Variants in ESR1 observed in about 807,000 individuals in gnomAD.
ESR1 encodes the protein estrogen receptor 1.
Under a neutral mutation model 52.7 loss-of-function variants are expected in ESR1, and 12 were observed. The ratio of observed to expected loss-of-function variants is 0.23; its 90% confidence interval spans 0.15 to 0.37. ESR1 has a LOEUF of 0.37. ESR1 is among the 10% of genes least tolerant of loss of function. The pLI, the probability that ESR1 is intolerant of heterozygous loss-of-function variation, is 1.00. For missense variants in ESR1, 584 were observed against 779.7 expected (o/e 0.75, Z 2.99); for synonymous variants, 305 against 316.8 (o/e 0.96, Z 0.39).
chr6:151,771,275 A>G (rs1246838667), intron 2 of ESR1, among the ~76,000 whole-genome samples: 2 of 152,198 alleles, frequency 1.3e-5, no homozygotes, highest in Non-Finnish European at 2.9e-5. Flanking sequence ...CCTGATGGGA[A>G]TTCATGTAAT....
At chr6:151,836,094 C>T (rs1194023837) in intron 1 of ESR1, among the ~76,000 whole-genome samples, 1 of 151,964 alleles carries the variant, frequency 6.6e-6, no homozygotes, top group Non-Finnish European at 1.5e-5. Context: ...TATTGTTGAT[C>T]TCTCAGACAC....
At chr6:151,909,313 A>G (rs1337399874) in intron 3 of ESR1, among the ~76,000 whole-genome samples, 2 of 152,208 alleles carry the variant, frequency 1.3e-5, no homozygotes, top group Non-Finnish European at 2.9e-5. Context: ...GAACTAGGCC[A>G]TGACTTGGGG....
intron 2 of ESR1, among the ~76,000 whole-genome samples, chr6:151,876,123 G>C (rs762518709): frequency 2.1e-4 from 32 of 152,152 alleles, no homozygotes; most frequent in South Asian, 6.2e-4. Context: ...TGATCTGTGT[G>C]CCTGTGGTGG....
chr6:151,685,391 C>T (rs1330599837), intron 1 of ESR1, among the ~76,000 whole-genome samples: 1 of 152,050 alleles, frequency 6.6e-6, no homozygotes, highest in Non-Finnish European at 1.5e-5. Flanking sequence ...CCTCGGCCTC[C>T]CAAAGTGCTG....
At chr6:151,737,329 A>G (rs1416521811) in intron 2 of ESR1, among the ~76,000 whole-genome samples, 1 of 152,180 alleles carries the variant, frequency 6.6e-6, no homozygotes, top group African/African-American at 2.4e-5. Context: ...AAGCCTCTTT[A>G]TTCATCTTGC....
chr6:152,001,905 G>T (rs762433678), intron 4 of ESR1, among the ~76,000 whole-genome samples: 4 of 152,006 alleles, frequency 2.6e-5, no homozygotes, highest in African/African-American at 4.8e-5. Flanking sequence ...CCATGTGCTT[G>T]TGAGACCCTT....
At chr6:151,684,789 C>T (rs1778590898) in intron 1 of ESR1, among the ~76,000 whole-genome samples, 1 of 152,236 alleles carries the variant, frequency 6.6e-6, no homozygotes, top group African/African-American at 2.4e-5. Context: ...CACTGCTGGG[C>T]TCACAGAAGC....
chr6:152,019,484 C>G (rs1030849784), intron 5 of ESR1, among the ~76,000 whole-genome samples: 1 of 152,166 alleles, frequency 6.6e-6, no homozygotes, highest in African/African-American at 2.4e-5. Context: ...GAGACTTAAG[C>G]CTGTAAGCAG....
At chr6:151,925,124 T>TTTTTTTTGTTTG (rs143259900) in intron 3 of ESR1, among the ~76,000 whole-genome samples, 78,589 of 150,576 alleles carry the variant, frequency 0.52, 22,724 homozygotes, top group Middle Eastern at 0.72. Context: ...CAGCATCTGG[T>TTTTTTTTGTTTG]TTTTTTTGTT....
At chr6:152,010,298 T>G (rs1209299288) in intron 4 of ESR1, among the ~76,000 whole-genome samples, 1 of 152,116 alleles carries the variant, frequency 6.6e-6, no homozygotes, top group Admixed American at 6.6e-5. Context: ...CATTCATACT[T>G]GATTGTTAAA....
chr6:151,716,343 G>A (rs1394432066), intron 2 of ESR1, among the ~76,000 whole-genome samples: 1 of 152,166 alleles, frequency 6.6e-6, no homozygotes, highest in African/African-American at 2.4e-5. Context: ...CTGTCCCTTA[G>A]CAGAGCTCAA....
At chr6:151,977,772 GCAACAGAGTGAGA>G (rs2039581083) in intron 4 of ESR1, among the ~76,000 whole-genome samples, 1 of 151,956 alleles carries the variant, frequency 6.6e-6, no homozygotes, top group African/African-American at 2.4e-5. Context: ...TCTAGCCTGG[GCAACAGAGTGAGA>G]CACCATCTCA....
chr6:151,928,441 A>G (rs1584280143), intron 3 of ESR1, among the ~76,000 whole-genome samples: 1 of 152,296 alleles, frequency 6.6e-6, no homozygotes, highest in East Asian at 1.9e-4. Flanking sequence ...ATTGTTCCAT[A>G]TATTGCTAGC....
chr6:151,910,349 A>G (rs1798084331), intron 3 of ESR1, among the ~76,000 whole-genome samples: 1 of 152,198 alleles, frequency 6.6e-6, no homozygotes, highest in Admixed American at 6.5e-5. Context: ...CAAATCCTAT[A>G]TTGGAACAAT....
At chr6:152,063,665 T>A (rs3798571) in intron 6 of ESR1, among the ~76,000 whole-genome samples, 23 of 152,202 alleles carry the variant, frequency 1.5e-4, no homozygotes, top group Admixed American at 1.2e-3. Context: ...AAAGTCCAAC[T>A]GATTCATGGC....
intron 2 of ESR1, among the ~76,000 whole-genome samples, chr6:151,713,897 G>A (rs1271302157): frequency 6.6e-6 from 1 of 151,886 alleles, no homozygotes; most frequent in Non-Finnish European, 1.5e-5. Flanking sequence ...GAATGTGTTT[G>A]CTCTTGCTTC....
At chr6:151,665,671 G>T (rs1212612454) in intron 1 of ESR1, among the ~76,000 whole-genome samples, 1 of 151,880 alleles carries the variant, frequency 6.6e-6, no homozygotes, top group Non-Finnish European at 1.5e-5. Context: ...AGACTTAAAA[G>T]GTTTCAAATA....
chr6:152,057,694 TACACAC>T (rs10560254), intron 5 of ESR1, among the ~76,000 whole-genome samples: 68 of 145,818 alleles, frequency 4.7e-4, no homozygotes, highest in African/African-American at 1.4e-3. Context: ...TACACATGCA[TACACAC>T]ACACACACAC....
chr6:151,848,897 C>G (rs1036462451), intron 2 of ESR1, among the ~76,000 whole-genome samples: 16 of 152,126 alleles, frequency 1.1e-4, no homozygotes, highest in Non-Finnish European at 2.1e-4. Flanking sequence ...CATATTCTCT[C>G]TCCTATTCCT....
Sources: gnomAD v4.1 joint callset for allele counts (sites outside exome capture counted in the v4.1 genomes callset) on GRCh38, gnomAD v4.1.1 for gene constraint, MANE v1.5 for transcripts, NCBI Gene and HGNC (gene_info 2026-07-23, HGNC 2026-07-21) for gene names.